The following COL4A4 variants were observed in gnomAD, a reference collection of about 807,000 sequenced individuals.
COL4A4 encodes collagen alpha-4(IV) chain.
Under a neutral mutation model 192.9 loss-of-function variants are expected in COL4A4, and 105 were observed. The ratio of observed to expected loss-of-function variants is 0.54; its 90% CI spans 0.46 to 0.64. The LOEUF (loss-of-function observed/expected upper bound fraction) is 0.64, where lower values mean the gene tolerates loss of function less well. COL4A4 is among the 30% of genes least tolerant of loss of function. The pLI, the probability that COL4A4 is intolerant of heterozygous loss-of-function variation, is 0.00. For synonymous variants in COL4A4, 762 were observed against 769.9 expected, an observed-to-expected ratio of 0.99 and a Z score of 0.17; for missense variants, 1,967 against 2,169.3, an observed-to-expected ratio of 0.91 and a Z score of 1.85.
intron 8 of COL4A4, among the ~76,000 whole-genome samples, chr2:227,111,948 T>G (rs2061234323): frequency 1.3e-5 from 2 of 152,316 alleles, no homozygotes; most frequent in South Asian, 4.1e-4. Flanking sequence ...TGACATGGAA[T>G]CAAAATGAGA....
chr2:227,058,699 A>T (rs1323590347), intron 28 of COL4A4, among the ~76,000 whole-genome samples: 1 of 152,224 alleles, frequency 6.6e-6, no homozygotes, highest in African/African-American at 2.4e-5. Flanking sequence ...GAAGTTCAGA[A>T]TGTGGGGCCC....
rs780658614 is a variant in COL4A4 at position 227,094,270 on chromosome 2, C to T, written c.1224G>A (p.Gly408=). ...CAGGAAGACCAGGAAATCCTTGTGGCCCAGGGGGTCCTATCATGCCTGCAA... is the reference window on the plus strand; with the variant it reads ...CAGGAAGACCAGGAAATCCTTGTGGTCCAGGGGGTCCTATCATGCCTGCAA... ...EACAGMIGPP[G]PQGFPGLPGL... is the part of the protein sequence containing the mutation. The change falls in exon 20 of 48, where the codon GGG becomes GGA. Residue 408 remains glycine (G), a synonymous_variant. Coordinates refer to ENST00000396625, the MANE Select transcript of COL4A4 (RefSeq NM_000092.5). 5.0e-6 allele frequency: 8 copies of T among 1,613,582 alleles called. No individual in the cohort carries two copies. In the South Asian group the frequency reaches 7.7e-5, roughly 16 times the overall value.
intron 2 of COL4A4, among the ~76,000 whole-genome samples, chr2:227,146,348 C>A (rs1328950023): frequency 6.6e-6 from 1 of 152,008 alleles, no homozygotes; most frequent in African/African-American, 2.4e-5. Flanking sequence ...CCACGTCCAC[C>A]CCAAATCAGT....
chr2:227,077,465 G>A (rs1260990745), intron 25 of COL4A4, among the ~76,000 whole-genome samples: 1 of 152,040 alleles, frequency 6.6e-6, no homozygotes, highest in African/African-American at 2.4e-5. Flanking sequence ...CACAGGGAGG[G>A]GAACATCACA....
chr2:227,040,822 C>T (rs1970654005), intron 37 of COL4A4, among the ~76,000 whole-genome samples: 1 of 151,980 alleles, frequency 6.6e-6, no homozygotes, highest in African/African-American at 2.4e-5. Context: ...CGTCAGCCTC[C>T]CAAAACTCTG....
At chr2:227,115,197 T>C (rs1049951927) in intron 7 of COL4A4, among the ~76,000 whole-genome samples, 2 of 152,020 alleles carry the variant, frequency 1.3e-5, no homozygotes, top group African/African-American at 4.8e-5. Context: ...TAAAAGTGAA[T>C]GAAATAACCT....
In COL4A4 at chr2:227,030,613, G is replaced by A. The variant is rs184593123; in HGVS notation, c.3818-15C>T. The A allele has an allele frequency of 2.3e-4, 368 of 1,568,630 alleles. No homozygotes were observed. The African/African-American group carries it at 4.5e-3, about 19-fold the overall frequency. ...CCCAGGTGCTCCTGACCACAGAGAA[G>A]AGACAAAAATATTCTTTTAGTCAAA... On this transcript the variant is annotated splice_polypyrimidine_tract_variant and intron_variant, in intron 40 of 47. Transcript: ENST00000396625.
intron 44 of COL4A4, among the ~76,000 whole-genome samples, chr2:227,016,894 C>T (rs1000533396): frequency 1.3e-5 from 2 of 152,200 alleles, no homozygotes; most frequent in Non-Finnish European, 2.9e-5. Context: ...TCCCCGCCTC[C>T]CCATCTGGGT....
At chr2:227,150,051 A>G (rs12476572) in intron 1 of COL4A4, among the ~76,000 whole-genome samples, 115,071 of 152,132 alleles carry the variant, frequency 0.76, 44,077 homozygotes, top group African/African-American at 0.89. Flanking sequence ...TATCCCCAGT[A>G]CCATCGTAGT....
intron 12 of COL4A4, among the ~76,000 whole-genome samples, chr2:227,107,125 C>T (rs1413334710): frequency 6.6e-6 from 1 of 152,204 alleles, no homozygotes; most frequent in Admixed American, 6.5e-5. Context: ...ACTTGAAAAA[C>T]ATTGTTTTGG....
Position 227,088,758 on chromosome 2 carries a change from T to C in COL4A4, c.1518A>G (p.Gly506=). 1 of 1,614,094 alleles carries C rather than the reference T, an allele frequency of 6.2e-7. No homozygotes were observed. Among genetic ancestry groups the C allele is most frequent in the African/African-American group, 1.3e-5 (1 of 75,044 alleles). Residue 506 remains glycine, a synonymous_variant, in exon 22 of 48, where the codon GGA becomes GGG. Coordinates refer to ENST00000396625, the MANE Select transcript of COL4A4 (RefSeq NM_000092.5). The stretch of plus-strand genomic sequence containing the variant: ...CCTTACTCCCCTGCCTCCCAGGAAG[T>C]CCTGGAGGGCCAGGGGGGCCCATGG... The part of the protein sequence containing the change: ...PGPMGPPGPP[G]LPGRQGSKGD...
chr2:227,047,511 C>T lies in COL4A4; in HGVS notation c.3253G>A (p.Gly1085Ser), dbSNP rs1973133325. 1 of 1,613,698 alleles carries T rather than the reference C, an allele frequency of 6.2e-7. No individual in the cohort carries two copies. The highest frequency in any genetic ancestry group is 1.3e-5 in the African/African-American group (1 of 74,872). Residue 1085 changes from glycine to serine, a missense_variant, in exon 35 of 48, where the codon GGT (glycine) becomes AGT (serine). Coordinates refer to ENST00000396625, the MANE Select transcript of COL4A4 (RefSeq NM_000092.5). ...GGGCTACCTGGCTCACCCTTTGGAC[C>T]AGGTGGACCAAAGTGACTGGCAGGG... ...GDPASHFGPP[G>S]PKGEPGSPGC...
At chr2:227,161,498 A>C (rs923486541) in intron 1 of COL4A4, among the ~76,000 whole-genome samples, 1 of 152,228 alleles carries the variant, frequency 6.6e-6, no homozygotes, top group African/African-American at 2.4e-5. Context: ...CTCTTGACCC[A>C]AAGACAATTT....
intron 4 of COL4A4, among the ~76,000 whole-genome samples, chr2:227,127,610 G>A (rs983332619): frequency 6.6e-6 from 1 of 152,186 alleles, no homozygotes; most frequent in African/African-American, 2.4e-5. Flanking sequence ...GGTATGTACT[G>A]TACTTTTTAA....
chr2:227,056,105 A>G lies in COL4A4; in HGVS notation c.2556T>C (p.Gly852=). Residue 852 remains glycine (G), a synonymous_variant, in exon 30 of 48, where the codon GGT becomes GGC. Transcript: ENST00000396625. ...CCACATCTCCCGGCTGTCCTTTCCC[A>G]CCTGGAGCACCTAAGACAAACCACA... ...PGYPGSPGAP[G]GKGQPGDVGP... The G allele has an allele frequency of 6.2e-7, 1 of 1,613,940 alleles. No homozygotes were observed. The highest frequency in any genetic ancestry group is 8.5e-7 in the Non-Finnish European group (1 of 1,180,004).
Position 227,102,828 on chromosome 2 carries a change from T to C in COL4A4, c.891A>G (p.Ala297=), listed in dbSNP as rs971208211. 1 of 1,613,474 alleles carries C rather than the reference T, an allele frequency of 6.2e-7. No individual in the cohort carries two copies. The highest frequency in any genetic ancestry group is 1.3e-5 in the African/African-American group (1 of 74,912). The change falls in exon 15 of 48, where the codon GCA becomes GCG. Residue 297 remains alanine, a synonymous_variant. Coordinates refer to ENST00000396625, the MANE Select transcript of COL4A4 (RefSeq NM_000092.5). ...ATCCAGGAATACCTTTTTCTCCTTTTGCCCCAATACCAGATTCTCCCTTTA... is the reference window on the plus strand; with the variant it reads ...ATCCAGGAATACCTTTTTCTCCTTTCGCCCCAATACCAGATTCTCCCTTTA... ...PGRKGESGIG[A]KGEKGIPGFP... is the part of the protein sequence containing the mutation.
At chr2:227,002,277 A>C (rs543905695), downstream of COL4A4, among the ~76,000 whole-genome samples, 4 of 152,310 alleles carry the variant, frequency 2.6e-5, no homozygotes, top group Admixed American at 2.0e-4. Context: ...ATACCTAACT[A>C]ACTCCTGACT....
At position 227,010,559 on chromosome 2, in the gene COL4A4, T is replaced by C. The variant is rs1963446895; in HGVS notation, c.4334-58A>G. On this transcript the variant is annotated intron_variant, in intron 45 of 47. Coordinates refer to ENST00000396625, the MANE Select transcript of COL4A4 (RefSeq NM_000092.5). ...GTTAGGGGGTTTGGTTTAACAAATA[T>C]GTTAAGCACCTCTGTTCTGGCACTG... The C allele has an allele frequency of 1.2e-5, 17 of 1,383,146 alleles. No homozygotes were observed. In the South Asian group the frequency reaches 1.5e-4, roughly 12 times the overall value. The allele number at this position is 1,383,146 out of a possible 1,614,324, so 85.7% of individuals were successfully genotyped here.
At chr2:227,108,432 C>G in intron 12 of COL4A4, 149 bp downstream of exon 12, 1 of 761,488 alleles carries the variant, frequency 1.3e-6, no homozygotes, top group Non-Finnish European at 2.4e-6. Context: ...GTAATGGTGC[C>G]ATAATAATTC....
Sources: allele counts gnomAD v4.1 joint callset (sites outside exome capture counted in the v4.1 genomes callset), GRCh38; gene constraint gnomAD v4.1.1; transcripts MANE v1.5; gene names NCBI Gene and HGNC (gene_info 2026-07-23, HGNC 2026-07-21).